The following CDC14B variants were observed in gnomAD, a reference collection of about 807,000 sequenced individuals.
CDC14B encodes dual specificity protein phosphatase CDC14B.
CDC14B carries 22 observed loss-of-function variants against 64.2 expected under a neutral mutation model. That is an observed-to-expected ratio of 0.34 (90% CI 0.24 to 0.49). The LOEUF is 0.49. Ranked by LOEUF, CDC14B falls within the 20% of genes least tolerant of loss-of-function variation. The pLI, the probability that CDC14B is intolerant of heterozygous loss-of-function variation, is 0.99. For synonymous variants in CDC14B, 191 were observed against 215.8 expected (o/e 0.89, Z 1.01); for missense variants, 498 against 629.9 (o/e 0.79, Z 2.24).
chr9:96,594,778 G>A (rs973719136), intron 1 of CDC14B, among the ~76,000 whole-genome samples: 3 of 148,862 alleles, frequency 2.0e-5, no homozygotes, highest in Non-Finnish European at 3.0e-5. Context: ...CAGCAGAATC[G>A]TACAGGCTGG....
At chr9:96,616,463 C>T (rs541698742) in intron 1 of CDC14B, among the ~76,000 whole-genome samples, 9 of 152,310 alleles carry the variant, frequency 5.9e-5, no homozygotes, top group Middle Eastern at 3.4e-3. Context: ...TGAAGGCTCA[C>T]GCCTGTAATC....
intron 9 of CDC14B, among the ~76,000 whole-genome samples, chr9:96,531,360 C>T (rs1838453138): frequency 6.6e-6 from 1 of 151,968 alleles, no homozygotes; most frequent in African/African-American, 2.4e-5. Context: ...TGATTTAGTT[C>T]TGGTGTTTTG....
chr9:96,529,106 G>A (rs961942935), intron 9 of CDC14B, among the ~76,000 whole-genome samples: 5 of 152,056 alleles, frequency 3.3e-5, no homozygotes, highest in Admixed American at 6.6e-5. Context: ...TATATAGTCC[G>A]ATTTGTCTGT....
At position 96,551,670 on chromosome 9, in the gene CDC14B, T is replaced by G; in HGVS notation, c.497+126A>C. 3 of 1,313,744 alleles carry G rather than the reference T, an allele frequency of 2.3e-6. No individual in the cohort carries two copies. The South Asian group carries it at 4.0e-5, about 18-fold the overall frequency. The allele number at this position is 1,313,744 out of a possible 1,614,324, so 81.4% of individuals were successfully genotyped here. On this transcript the variant is annotated intron_variant, in intron 5 of 13. Coordinates refer to ENST00000375241, the MANE Select transcript of CDC14B (RefSeq NM_033331.4). ...GTGTCACTGTGGAAAAACCCAGATC[T>G]GTGGTGTTATTTGCGCTCATCCTAA...
At chr9:96,567,069 T>C (rs1401458506) in intron 1 of CDC14B, 3 of 1,027,328 alleles carry the variant, frequency 2.9e-6, no homozygotes, top group Admixed American at 6.3e-5. Context: ...CACCTCCCGC[T>C]TTCTTTCCCC....
intron 12 of CDC14B, among the ~76,000 whole-genome samples, chr9:96,511,366 T>C (rs7859126): frequency 0.074 from 11,197 of 151,104 alleles, 1,391 homozygotes; most frequent in African/African-American, 0.26. Context: ...AGGTCAGGAG[T>C]TCAAGAGCAG....
chr9:96,591,969 T>C (rs1355836612), intron 1 of CDC14B, among the ~76,000 whole-genome samples: 2 of 152,144 alleles, frequency 1.3e-5, no homozygotes, highest in Non-Finnish European at 2.9e-5. Context: ...ATGGTCTCCA[T>C]CTCCTGACCT....
At chr9:96,599,219 A>C (rs1846273193) in intron 1 of CDC14B, among the ~76,000 whole-genome samples, 1 of 152,120 alleles carries the variant, frequency 6.6e-6, no homozygotes, top group Non-Finnish European at 1.5e-5. Flanking sequence ...ATCTCTATTA[A>C]AAATACAAAA....
At chr9:96,618,009 G>A (rs1847744828) in intron 1 of CDC14B, among the ~76,000 whole-genome samples, 1 of 152,154 alleles carries the variant, frequency 6.6e-6, no homozygotes, top group African/African-American at 2.4e-5. Context: ...CTACCGGCCG[G>A]GGACTGGTAC....
chr9:96,564,658 C>T, intron 3 of CDC14B, 119 bp downstream of exon 3: 1 of 571,634 alleles, frequency 1.7e-6, no homozygotes, highest in Middle Eastern at 2.7e-4. Flanking sequence ...TGTGCATGTC[C>T]CAAACACCAC....
At chr9:96,551,459 T>G (rs1841832299) in intron 5 of CDC14B, among the ~76,000 whole-genome samples, 1 of 152,116 alleles carries the variant, frequency 6.6e-6, no homozygotes, top group Admixed American at 6.5e-5. Context: ...GTTCTCAGCG[T>G]AGGGAGATTT....
At chr9:96,545,674 T>C (rs184760888) in intron 5 of CDC14B, among the ~76,000 whole-genome samples, 104 of 152,224 alleles carry the variant, frequency 6.8e-4, no homozygotes, top group African/African-American at 2.2e-3. Flanking sequence ...GACATGTTGA[T>C]TCAGTCTCTG....
intron 4 of CDC14B, among the ~76,000 whole-genome samples, chr9:96,561,654 ATT>A (rs1287669232): frequency 5.8e-5 from 8 of 137,240 alleles, no homozygotes; most frequent in South Asian, 2.4e-4. Context: ...CATTTTTTGT[ATT>A]TTTTTTTTTT....
intron 12 of CDC14B, among the ~76,000 whole-genome samples, chr9:96,512,103 A>G (rs112446804): frequency 6.6e-6 from 1 of 151,910 alleles, no homozygotes. Context: ...CCTTGGTTCC[A>G]GCTACTTGGG....
chr9:96,619,170 G>A, intron 1 of CDC14B, 49 bp downstream of exon 1: 1 of 1,214,690 alleles, frequency 8.2e-7, no homozygotes, highest in Non-Finnish European at 1.0e-6. Context: ...AGGGCCCCGC[G>A]CCGGGTGCGG....
At chr9:96,546,407 G>C (rs993062423) in intron 5 of CDC14B, among the ~76,000 whole-genome samples, 5 of 151,964 alleles carry the variant, frequency 3.3e-5, no homozygotes, top group African/African-American at 1.2e-4. Flanking sequence ...GACTGGAAAG[G>C]GGTGGGAGGG....
chr9:96,576,229 G>A (rs145943915), intron 1 of CDC14B, among the ~76,000 whole-genome samples: 7,237 of 152,066 alleles, frequency 0.048, 584 homozygotes, highest in African/African-American at 0.17. Flanking sequence ...GCAGTGAGCC[G>A]AGATCATGCC....
chr9:96,615,729 C>T (rs1254853205), intron 1 of CDC14B, among the ~76,000 whole-genome samples: 1 of 152,166 alleles, frequency 6.6e-6, no homozygotes, highest in Non-Finnish European at 1.5e-5. Context: ...GTGATCCTGC[C>T]ATTCTACTCC....
At chr9:96,593,821 C>T (rs1201719318) in intron 1 of CDC14B, among the ~76,000 whole-genome samples, 4 of 152,058 alleles carry the variant, frequency 2.6e-5, no homozygotes, top group African/African-American at 9.7e-5. Context: ...CTAAGATAGA[C>T]CCGAACACAT....
Sources: gnomAD v4.1 joint callset for allele counts (sites outside exome capture counted in the v4.1 genomes callset) on GRCh38, gnomAD v4.1.1 for gene constraint, MANE v1.5 for transcripts, NCBI Gene and HGNC (gene_info 2026-07-23, HGNC 2026-07-21) for gene names.